The following CECR2 variants were observed in gnomAD, a reference collection of about 807,000 sequenced individuals.
The protein encoded by CECR2 is CECR2 histone acetyl-lysine reader.
In CECR2, 30 loss-of-function variants were observed where a neutral mutation model predicts 154.5. The ratio of observed to expected loss-of-function variants is 0.19; its 90% CI spans 0.15 to 0.26. The LOEUF (loss-of-function observed/expected upper bound fraction) is 0.26, where lower values mean the gene tolerates loss of function less well. Among genes scored for constraint, CECR2 ranks in the 10% least tolerant of loss-of-function variants. CECR2 has a pLI of 1.00. For missense variants in CECR2, 1,743 were observed against 1,829.3 expected (o/e 0.95, Z 0.86); for synonymous variants, 725 against 683.7 (o/e 1.06, Z -0.94).
chr22:17,496,707 G>A (rs187147028), intron 2 of CECR2, among the ~76,000 whole-genome samples: 1 of 151,704 alleles, frequency 6.6e-6, no homozygotes, highest in East Asian at 1.9e-4. Flanking sequence ...CTTTTTTCTC[G>A]CCACCTAAGT....
intron 12 of CECR2, 108 bp downstream of exon 12, chr22:17,538,839 C>A: frequency 7.6e-7 from 1 of 1,313,538 alleles, no homozygotes; most frequent in Non-Finnish European, 1.0e-6. Context: ...TTTTTCTTTT[C>A]AACTGTCAAA....
At chr22:17,380,201 A>G (rs1312072171) in intron 1 of CECR2, among the ~76,000 whole-genome samples, 1 of 152,194 alleles carries the variant, frequency 6.6e-6, no homozygotes, top group Non-Finnish European at 1.5e-5. Flanking sequence ...GTTGGTGTGA[A>G]GTCAATCAGT....
In CECR2 at chr22:17,472,381, A is replaced by T. The variant is rs116909409; in HGVS notation, c.127-5207A>T. Reference sequence around the variant, plus strand: ...TGTATTCTGAGCCCACACTCCAGGCATTCTCTCTTGGATAGCAGCTGGGAC... The same window carrying T: ...TGTATTCTGAGCCCACACTCCAGGCTTTCTCTCTTGGATAGCAGCTGGGAC... On this transcript the variant is annotated intron_variant, in intron 1 of 18. Coordinates refer to ENST00000262608, the MANE Select transcript of CECR2 (RefSeq NM_001290047.2). 7.7e-3 allele frequency among the ~76,000 whole-genome samples: 1,178 copies of T among 152,232 alleles called. 66 individuals carry two copies. In the East Asian group the frequency reaches 0.16, roughly 21 times the overall value.
At chr22:17,496,802 A>G (rs17808446) in intron 2 of CECR2, among the ~76,000 whole-genome samples, 20,230 of 152,158 alleles carry the variant, frequency 0.13, 1,562 homozygotes, top group Non-Finnish European at 0.18. Context: ...CAGCTTCATA[A>G]CCTACACATT....
At chr22:17,498,972 G>C (rs1300671697) in intron 3 of CECR2, among the ~76,000 whole-genome samples, 1 of 149,362 alleles carries the variant, frequency 6.7e-6, no homozygotes, top group African/African-American at 2.5e-5. Context: ...AAGATACTTG[G>C]ACATTTTTAT....
intron 9 of CECR2, chr22:17,534,857 CAA>C (rs551773727): frequency 3.2e-5 from 4 of 125,968 alleles, no homozygotes; most frequent in Non-Finnish European, 3.3e-5. Context: ...AACTCTGTCT[CAA>C]AAAAAAAAAT....
intron 1 of CECR2, among the ~76,000 whole-genome samples, chr22:17,398,179 T>C (rs1973952572): frequency 6.6e-6 from 1 of 151,356 alleles, no homozygotes; most frequent in South Asian, 2.1e-4. Context: ...TATCATCTGT[T>C]AATTGCATTT....
intron 12 of CECR2, 79 bp from the exon 13 acceptor site, chr22:17,538,911 CATT>C (rs895855020): frequency 2.0e-6 from 3 of 1,505,770 alleles, no homozygotes; most frequent in African/African-American, 1.4e-5. Flanking sequence ...GCTGAATTCT[CATT>C]ATCTCTCTGT....
intron 1 of CECR2, among the ~76,000 whole-genome samples, chr22:17,398,390 C>G (rs1382194131): frequency 2.6e-5 from 4 of 151,900 alleles, no homozygotes; most frequent in Non-Finnish European, 1.5e-5. Flanking sequence ...TATGTGAGGT[C>G]GTAAGTGTGG....
chr22:17,389,444 C>G (rs1056432482), intron 1 of CECR2, among the ~76,000 whole-genome samples: 1 of 151,936 alleles, frequency 6.6e-6, no homozygotes, highest in Non-Finnish European at 1.5e-5. Context: ...CCTTTCACTC[C>G]TTGACATTTT....
At chr22:17,448,522 G>T (rs368557938) in intron 1 of CECR2, among the ~76,000 whole-genome samples, 1 of 152,138 alleles carries the variant, frequency 6.6e-6, no homozygotes, top group East Asian at 1.9e-4. Flanking sequence ...TTATCTCATA[G>T]TATTGCTGAG....
At chr22:17,478,022 AG>A (rs1469174322) in intron 2 of CECR2, among the ~76,000 whole-genome samples, 2 of 152,200 alleles carry the variant, frequency 1.3e-5, no homozygotes, top group East Asian at 1.9e-4. Context: ...AATCAAAACT[AG>A]TTTTTATTAC....
chr22:17,509,566 C>G (rs905573354), intron 7 of CECR2, among the ~76,000 whole-genome samples: 3 of 152,004 alleles, frequency 2.0e-5, no homozygotes, highest in African/African-American at 7.3e-5. Flanking sequence ...AGTACCTGGA[C>G]TATAGGCACA....
intron 1 of CECR2, among the ~76,000 whole-genome samples, chr22:17,385,947 G>A (rs191978671): frequency 2.6e-5 from 4 of 152,202 alleles, no homozygotes; most frequent in African/African-American, 4.8e-5. Flanking sequence ...TGAAGGTTGC[G>A]TCGCTTAGGA....
At chr22:17,449,769 G>T (rs920042771) in intron 1 of CECR2, among the ~76,000 whole-genome samples, 1 of 152,170 alleles carries the variant, frequency 6.6e-6, no homozygotes, top group African/African-American at 2.4e-5. Context: ...GATTACAGGC[G>T]TGAGCCACCA....
At chr22:17,439,183 G>A (rs1177872009) in intron 1 of CECR2, among the ~76,000 whole-genome samples, 1 of 130,996 alleles carries the variant, frequency 7.6e-6, no homozygotes, top group Non-Finnish European at 1.6e-5. Flanking sequence ...TTTTTTTTTT[G>A]GATGTTCCGT....
Position 17,516,208 on chromosome 22 carries a change from T to G in CECR2, c.954+4312T>G, listed in dbSNP as rs569805562. 3.6e-4 allele frequency among the ~76,000 whole-genome samples: 54 copies of G among 152,052 alleles called. 1 individual carries two copies. The highest frequency in any genetic ancestry group is 5.3e-4 in the Non-Finnish European group (36 of 67,972). ...ACCAGGATTGATCAAAATATAGAGA[T>G]ATATATATATGGATATATATCCATA... is the stretch of plus-strand genomic sequence containing the variant. On this transcript the variant is annotated intron_variant, in intron 8 of 18. Transcript: ENST00000262608.
At chr22:17,538,948 G>A (rs762251481) in intron 12 of CECR2, 45 bp from the exon 13 acceptor site, 1 of 1,593,810 alleles carries the variant, frequency 6.3e-7, no homozygotes, top group South Asian at 1.1e-5. Flanking sequence ...TGGAATGTTT[G>A]CTCTCAGCAT....
At chr22:17,506,394 T>A (rs542808085) in intron 7 of CECR2, among the ~76,000 whole-genome samples, 1 of 152,300 alleles carries the variant, frequency 6.6e-6, no homozygotes, top group East Asian at 1.9e-4. Context: ...CCCAAAGTGC[T>A]GGGATTACAG....
Sources: allele counts gnomAD v4.1 joint callset (sites outside exome capture counted in the v4.1 genomes callset), GRCh38; gene constraint gnomAD v4.1.1; transcripts MANE v1.5; gene names NCBI Gene and HGNC (gene_info 2026-07-23, HGNC 2026-07-21).